GPHN: variants seen among roughly 807,000 people sequenced by gnomAD.
GPHN encodes gephyrin.
A neutral mutation model predicts 95.5 loss-of-function variants in GPHN; 17 were observed. The ratio of observed to expected loss-of-function variants is 0.18; its 90% CI spans 0.12 to 0.27. The LOEUF (loss-of-function observed/expected upper bound fraction) is 0.27, where lower values mean the gene tolerates loss of function less well. GPHN is among the 10% of genes least tolerant of loss of function. The pLI, the probability that GPHN is intolerant of heterozygous loss-of-function variation, is 1.00. For missense variants in GPHN, 660 were observed against 978.1 expected (o/e 0.67, Z 4.34); for synonymous variants, 320 against 322.5 (o/e 0.99, Z 0.08).
chr14:67,479,575 G>A, the GPHN span, among the ~76,000 whole-genome samples: 3 of 151,764 alleles, frequency 2.0e-5, no homozygotes, highest in East Asian at 1.9e-4. Context: ...AAAATTAGCC[G>A]GGCATGGTGG....
the GPHN span, among the ~76,000 whole-genome samples, chr14:67,287,067 A>C: frequency 6.6e-6 from 1 of 151,932 alleles, no homozygotes; most frequent in South Asian, 2.1e-4. Context: ...AATACAAAAA[A>C]ATTAGTTGGG....
At chr14:66,553,398 T>C (rs2059894866) in intron 1 of GPHN, among the ~76,000 whole-genome samples, 1 of 152,178 alleles carries the variant, frequency 6.6e-6, no homozygotes, top group African/African-American at 2.4e-5. Flanking sequence ...AGGATCACAG[T>C]TACATATATT....
intron 2 of GPHN, among the ~76,000 whole-genome samples, chr14:66,759,745 A>G (rs1000280903): frequency 2.0e-5 from 3 of 152,152 alleles, no homozygotes; most frequent in Non-Finnish European, 4.4e-5. Flanking sequence ...TTGATATATG[A>G]GGCTGCTTTG....
chr14:67,258,132 G>A, the GPHN span, among the ~76,000 whole-genome samples: 1 of 151,780 alleles, frequency 6.6e-6, no homozygotes, highest in Admixed American at 6.6e-5. Flanking sequence ...TTTCTAATAT[G>A]AGCATACATA....
At chr14:67,083,742 TG>T (rs199734103) in intron 11 of GPHN, among the ~76,000 whole-genome samples, 1,831 of 152,256 alleles carry the variant, frequency 0.012, 19 homozygotes, top group Non-Finnish European at 0.018. Flanking sequence ...AATAACAGTC[TG>T]GGTTTAGGGA....
At chr14:66,605,697 T>G (rs1299615340) in intron 1 of GPHN, among the ~76,000 whole-genome samples, 1 of 151,864 alleles carries the variant, frequency 6.6e-6, no homozygotes, top group Non-Finnish European at 1.5e-5. Context: ...GCCCGGCTAA[T>G]TTTTTCTATT....
At chr14:66,689,626 T>C (rs542242371) in intron 2 of GPHN, among the ~76,000 whole-genome samples, 37 of 152,292 alleles carry the variant, frequency 2.4e-4, no homozygotes, top group Admixed American at 3.3e-4. Context: ...CATATTGATT[T>C]TAATTCTGCT....
At chr14:67,354,337 AAAT>A in the GPHN span, among the ~76,000 whole-genome samples, 1 of 152,240 alleles carries the variant, frequency 6.6e-6, no homozygotes, top group African/African-American at 2.4e-5. Flanking sequence ...TTGTAAGTTA[AAAT>A]AATATCTTTG....
chr14:67,112,912 C>T, intron 15 of GPHN, 106 bp from the exon 16 acceptor site: 1 of 960,536 alleles, frequency 1.0e-6, no homozygotes, highest in Non-Finnish European at 1.7e-6. Context: ...TATTTCTAGA[C>T]TTTTTTGTCT....
chr14:66,814,691 T>C (rs1178917057), intron 3 of GPHN, among the ~76,000 whole-genome samples: 8 of 152,138 alleles, frequency 5.3e-5, no homozygotes, highest in Admixed American at 3.3e-4. Flanking sequence ...TGAAGATAGA[T>C]AAGCCCACAA....
At chr14:67,692,293 C>T in the GPHN span, 1 of 777,308 alleles carries the variant, frequency 1.3e-6, no homozygotes, top group East Asian at 2.6e-5. Context: ...TAAATTGTGT[C>T]CCAGTGACTA....
chr14:66,536,244 C>T (rs2140006289), intron 1 of GPHN, among the ~76,000 whole-genome samples: 1 of 152,274 alleles, frequency 6.6e-6, no homozygotes, highest in East Asian at 1.9e-4. Context: ...AGCCACTGCG[C>T]CCAGTCTGAT....
the GPHN span, chr14:67,586,355 T>C: frequency 7.0e-7 from 1 of 1,434,274 alleles, no homozygotes; most frequent in Middle Eastern, 1.8e-4. Flanking sequence ...TTTTTCTTTT[T>C]TATTCTCTCA....
chr14:67,586,368 C>A, the GPHN span: 1 of 1,399,612 alleles, frequency 7.1e-7, no homozygotes, highest in Non-Finnish European at 9.4e-7. Flanking sequence ...TTCTCTCAAG[C>A]CCCAGCATCA....
the GPHN span, among the ~76,000 whole-genome samples, chr14:67,712,023 G>A: frequency 6.6e-6 from 1 of 152,124 alleles, no homozygotes; most frequent in East Asian, 1.9e-4. Context: ...AGGTTCAAGT[G>A]ATTCTCCTGC....
chr14:67,177,833 TG>T (rs1275774611), intron 21 of GPHN, among the ~76,000 whole-genome samples: 4 of 152,222 alleles, frequency 2.6e-5, no homozygotes, highest in Non-Finnish European at 5.9e-5. Flanking sequence ...CATTAAGTAA[TG>T]GCCTTCTTTG....
intron 1 of GPHN, among the ~76,000 whole-genome samples, chr14:66,636,275 T>C (rs2064091625): frequency 6.6e-6 from 1 of 152,114 alleles, no homozygotes; most frequent in African/African-American, 2.4e-5. Flanking sequence ...CTGCCATGAT[T>C]TTTTTATGTC....
the GPHN span, chr14:67,200,280 C>T: frequency 4.1e-6 from 3 of 736,588 alleles, no homozygotes; most frequent in Non-Finnish European, 6.8e-6. Context: ...CACTCCCCAG[C>T]CACCAGTTGC....
chr14:67,594,874 G>T, the GPHN span, among the ~76,000 whole-genome samples: 1 of 152,154 alleles, frequency 6.6e-6, no homozygotes, highest in Non-Finnish European at 1.5e-5. Context: ...ATTAGGCCGG[G>T]CGCGGTGGCT....
Sources: allele counts gnomAD v4.1 joint callset (sites outside exome capture counted in the v4.1 genomes callset), GRCh38; gene constraint gnomAD v4.1.1; transcripts MANE v1.5; gene names NCBI Gene and HGNC (gene_info 2026-07-23, HGNC 2026-07-21).